Variants in ATP2B2 observed in about 807,000 individuals in gnomAD.
ATP2B2 encodes the protein ATPase plasma membrane Ca2+ transporting 2.
A neutral mutation model predicts 120.0 loss-of-function variants in ATP2B2; 15 were observed. The observed-to-expected ratio is 0.12, with a 90% CI of 0.08 to 0.19. The LOEUF (loss-of-function observed/expected upper bound fraction) is 0.19. ATP2B2 is among the 10% of genes least tolerant of loss of function. ATP2B2 has a pLI of 1.00. For synonymous variants in ATP2B2, 694 were observed against 700.3 expected, an observed-to-expected ratio of 0.99 and a Z score of 0.14; for missense variants, 1,045 against 1,719.8, an observed-to-expected ratio of 0.61 and a Z score of 6.94.
At chr3:10,687,234 T>C (rs577664444) in intron 1 of ATP2B2, among the ~76,000 whole-genome samples, 1 of 152,276 alleles carries the variant, frequency 6.6e-6, no homozygotes, top group East Asian at 1.9e-4. Context: ...TCCTTATACT[T>C]AACATGGGAA....
intron 1 of ATP2B2, among the ~76,000 whole-genome samples, chr3:10,460,197 C>T (rs902827956): frequency 6.6e-6 from 1 of 152,168 alleles, no homozygotes; most frequent in Non-Finnish European, 1.5e-5. Flanking sequence ...TAACTACAGG[C>T]CCCCTCTCTC....
chr3:10,530,740 C>T (rs1180049826), intron 3 of ATP2B2, among the ~76,000 whole-genome samples: 1 of 152,206 alleles, frequency 6.6e-6, no homozygotes, highest in African/African-American at 2.4e-5. Context: ...GCTCCCATCC[C>T]CCAGCAAGGC....
chr3:10,593,475 A>G (rs563390973), intron 2 of ATP2B2, among the ~76,000 whole-genome samples: 2 of 152,358 alleles, frequency 1.3e-5, no homozygotes, highest in African/African-American at 4.8e-5. Context: ...TTGATTCCCT[A>G]CTTAACAAAT....
intron 2 of ATP2B2, among the ~76,000 whole-genome samples, chr3:10,612,728 C>A (rs896702400): frequency 6.6e-6 from 1 of 152,192 alleles, no homozygotes; most frequent in South Asian, 2.1e-4. Flanking sequence ...AACACATCCA[C>A]ACCATTACCC....
intron 1 of ATP2B2, among the ~76,000 whole-genome samples, chr3:10,683,579 C>T (rs2071433292): frequency 6.6e-6 from 1 of 151,664 alleles, no homozygotes; most frequent in African/African-American, 2.4e-5. Context: ...AGCAATGAAA[C>T]TATCACTGCC....
At chr3:10,581,241 A>G (rs1257054657) in intron 2 of ATP2B2, among the ~76,000 whole-genome samples, 1 of 152,246 alleles carries the variant, frequency 6.6e-6, no homozygotes, top group Non-Finnish European at 1.5e-5. Flanking sequence ...CAATGCAAGT[A>G]GATTCCACAA....
At chr3:10,507,781 G>C (rs1022739218), upstream of ATP2B2, among the ~76,000 whole-genome samples, 2 of 152,218 alleles carry the variant, frequency 1.3e-5, no homozygotes, top group Non-Finnish European at 2.9e-5. Flanking sequence ...TACCTCTGGG[G>C]TGGCTGCCGT....
At chr3:10,443,985 A>G (rs994299717) in intron 2 of ATP2B2, among the ~76,000 whole-genome samples, 3 of 152,154 alleles carry the variant, frequency 2.0e-5, no homozygotes, top group Non-Finnish European at 4.4e-5. Context: ...CTCACCAGTC[A>G]TCATGTCTTC....
intron 11 of ATP2B2, among the ~76,000 whole-genome samples, chr3:10,373,725 T>C (rs563581387): frequency 6.6e-6 from 1 of 152,214 alleles, no homozygotes; most frequent in Admixed American, 6.5e-5. Flanking sequence ...CTAGGAATTT[T>C]TTCTTCTTTT....
In ATP2B2 at chr3:10,410,924, C is replaced by G; in HGVS notation, c.200-109G>C. The G allele has an allele frequency of 2.2e-6, 3 of 1,351,640 alleles. No homozygotes were observed. The South Asian group carries it at 3.6e-5, about 16-fold the overall frequency. 83.7% of individuals were successfully genotyped at this position (1,351,640 alleles called of 1,614,324 possible). On this transcript the variant is annotated intron_variant, in intron 2 of 22. Transcript: ENST00000360273. ...AACAGAGCAAGAAACTTGCTGGTGG[C>G]TGGCCCAGGAGCCCAACATCTCTTC...
chr3:10,374,206 A>G (rs1488177643), intron 11 of ATP2B2, among the ~76,000 whole-genome samples: 1 of 152,166 alleles, frequency 6.6e-6, no homozygotes, highest in Non-Finnish European at 1.5e-5. Context: ...GGGCTCAGTG[A>G]AGTGGCTGTG....
At chr3:10,435,044 G>A (rs1204768010) in intron 2 of ATP2B2, among the ~76,000 whole-genome samples, 4 of 152,200 alleles carry the variant, frequency 2.6e-5, no homozygotes, top group Non-Finnish European at 4.4e-5. Context: ...TTGACAAATG[G>A]TTAAGAGCAC....
chr3:10,565,258 C>T (rs1186308953), intron 2 of ATP2B2, among the ~76,000 whole-genome samples: 1 of 152,166 alleles, frequency 6.6e-6, no homozygotes, highest in African/African-American at 2.4e-5. Flanking sequence ...TTGGAGGTCT[C>T]TTTGTTGCAG....
intron 14 of ATP2B2, among the ~76,000 whole-genome samples, chr3:10,358,145 C>G (rs537795415): frequency 6.6e-6 from 1 of 152,220 alleles, no homozygotes; most frequent in African/African-American, 2.4e-5. Context: ...TAAAAGTAGA[C>G]TCTCAGCTGT....
chr3:10,409,243 C>T (rs1169937765), intron 3 of ATP2B2, among the ~76,000 whole-genome samples: 1 of 152,148 alleles, frequency 6.6e-6, no homozygotes, highest in African/African-American at 2.4e-5. Flanking sequence ...CTTATAATGT[C>T]CTATGTGAAA....
chr3:10,682,685 G>T (rs1249515831), intron 1 of ATP2B2, among the ~76,000 whole-genome samples: 2 of 152,182 alleles, frequency 1.3e-5, no homozygotes, highest in Non-Finnish European at 2.9e-5. Context: ...TCCAGTGAGG[G>T]TCTAGGTGAA....
intron 1 of ATP2B2, among the ~76,000 whole-genome samples, chr3:10,490,266 A>AT (rs1261166001): frequency 6.6e-6 from 1 of 152,378 alleles, no homozygotes; most frequent in East Asian, 1.9e-4. Flanking sequence ...CTCAGTGCCC[A>AT]TGGACAGGTC....
At chr3:10,459,151 C>T (rs776507524) in intron 1 of ATP2B2, among the ~76,000 whole-genome samples, 4 of 152,228 alleles carry the variant, frequency 2.6e-5, no homozygotes, top group Admixed American at 1.3e-4. Context: ...ATGACCTGAC[C>T]GGAATTCACC....
At chr3:10,564,411 T>A (rs1178881964) in intron 2 of ATP2B2, among the ~76,000 whole-genome samples, 2 of 152,174 alleles carry the variant, frequency 1.3e-5, no homozygotes, top group Non-Finnish European at 2.9e-5. Context: ...CACCGGTGGC[T>A]ATTAAGCCAG....
Sources: allele counts gnomAD v4.1 joint callset (sites outside exome capture counted in the v4.1 genomes callset), GRCh38; gene constraint gnomAD v4.1.1; transcripts MANE v1.5; gene names NCBI Gene and HGNC (gene_info 2026-07-23, HGNC 2026-07-21).